The following FRMPD4 variants were observed in gnomAD, a reference collection of about 807,000 sequenced individuals.
FRMPD4 encodes FERM and PDZ domain-containing protein 4.
In FRMPD4, 22 loss-of-function variants were observed where a neutral mutation model predicts 94.1. The ratio of observed to expected loss-of-function variants is 0.23; its 90% CI spans 0.17 to 0.33. FRMPD4 has a LOEUF of 0.33. Ranked by LOEUF, FRMPD4 falls within the 10% of genes least tolerant of loss-of-function variation. The probability of loss-of-function intolerance (pLI) is 1.00; values close to 1 mark genes in which losing one functional copy is unlikely to be tolerated. For synonymous variants in FRMPD4, 631 were observed against 548.6 expected, an observed-to-expected ratio of 1.15 and a Z score of -2.10; for missense variants, 1,111 against 1,339.9, an observed-to-expected ratio of 0.83 and a Z score of 2.67.
At position 12,415,581 on chromosome X, in the gene FRMPD4, A is replaced by G. The variant is rs984075332; in HGVS notation, c.42-83099A>G. Among the ~76,000 whole-genome samples, 97 of 111,960 alleles carry G rather than the reference A, an allele frequency of 8.7e-4. 1 individual carries two copies. The highest frequency in any genetic ancestry group is 3.1e-3 in the African/African-American group (97 of 30,835). ...AATAGGGGGGATGAGATTGATTCAC[A>G]AGGCTCTCACCAATACTAAAATTGT... On this transcript the variant is annotated intron_variant, in intron 1 of 16. Coordinates refer to ENST00000675598, the MANE Select transcript of FRMPD4 (RefSeq NM_001368397.1).
At chrX:12,269,009 T>A (rs1472338770) in intron 1 of FRMPD4, among the ~76,000 whole-genome samples, 3 of 112,258 alleles carry the variant, frequency 2.7e-5, no homozygotes, top group Non-Finnish European at 3.8e-5. Context: ...GGTTGGTTTG[T>A]CTCATTTCAA....
chrX:12,599,721 C>A (rs1602189149), intron 2 of FRMPD4, among the ~76,000 whole-genome samples: 1 of 111,833 alleles, frequency 8.9e-6, no homozygotes, highest in African/African-American at 3.2e-5. Context: ...ATATGTAAAA[C>A]ACCTTTTGGG....
At chrX:12,153,420 G>A (rs961987871) in intron 1 of FRMPD4, among the ~76,000 whole-genome samples, 19 of 111,366 alleles carry the variant, frequency 1.7e-4, no homozygotes, top group Non-Finnish European at 3.2e-4. Context: ...TCATAATTTG[G>A]CTTTCCGGTT....
chrX:12,467,881 C>T (rs1319582715), intron 1 of FRMPD4, among the ~76,000 whole-genome samples: 1 of 111,459 alleles, frequency 9.0e-6, no homozygotes, highest in Non-Finnish European at 1.9e-5. Flanking sequence ...TAAATCAGAG[C>T]TACATTTTTA....
intron 3 of FRMPD4, among the ~76,000 whole-genome samples, chrX:12,085,844 G>A (rs752063597): frequency 5.4e-5 from 6 of 111,836 alleles, no homozygotes; most frequent in Non-Finnish European, 9.4e-5. Flanking sequence ...ACTCCAGCAT[G>A]GGCAACAGAG....
intron 3 of FRMPD4, among the ~76,000 whole-genome samples, chrX:12,092,601 T>G (rs1376404275): frequency 9.0e-6 from 1 of 111,427 alleles, no homozygotes; most frequent in Non-Finnish European, 1.9e-5. Flanking sequence ...AATATGAGAT[T>G]AGAGTAGTAG....
intron 1 of FRMPD4, among the ~76,000 whole-genome samples, chrX:12,459,222 AG>A (rs1258721184): frequency 9.0e-6 from 1 of 110,594 alleles, no homozygotes; most frequent in Non-Finnish European, 1.9e-5. Flanking sequence ...CTTTTTTTTA[AG>A]TAAGTTGAAA....
At chrX:12,047,333 G>A (rs938512268) in intron 3 of FRMPD4, among the ~76,000 whole-genome samples, 3 of 110,472 alleles carry the variant, frequency 2.7e-5, no homozygotes, top group Non-Finnish European at 3.8e-5. Context: ...TAAAATATTT[G>A]TAATTAAACA....
intron 3 of FRMPD4, among the ~76,000 whole-genome samples, chrX:11,928,532 A>T (rs2054102108): frequency 8.9e-6 from 1 of 112,372 alleles, no homozygotes; most frequent in Non-Finnish European, 1.9e-5. Flanking sequence ...ACAATTCAAG[A>T]TGAGATTTGG....
intron 3 of FRMPD4, among the ~76,000 whole-genome samples, chrX:11,975,559 A>T (rs2054362794): frequency 8.9e-6 from 1 of 112,346 alleles, no homozygotes; most frequent in Non-Finnish European, 1.9e-5. Flanking sequence ...CTATTGCCTC[A>T]TTGTGAAAAT....
chrX:11,943,421 G>T (rs1304410619), intron 3 of FRMPD4, among the ~76,000 whole-genome samples: 1 of 110,131 alleles, frequency 9.1e-6, no homozygotes, highest in East Asian at 2.8e-4. Flanking sequence ...ATTTCTTACA[G>T]TTCTGGAGGC....
intron 1 of FRMPD4, among the ~76,000 whole-genome samples, chrX:12,372,350 C>A (rs2056174286): frequency 8.8e-6 from 1 of 113,131 alleles, no homozygotes; most frequent in African/African-American, 3.2e-5. Context: ...AATCCTGATA[C>A]CCAGGTCACA....
chrX:12,226,199 G>A (rs2056920784), intron 1 of FRMPD4, among the ~76,000 whole-genome samples: 1 of 111,325 alleles, frequency 9.0e-6, no homozygotes, highest in Non-Finnish European at 1.9e-5. Flanking sequence ...TGACCTCCTG[G>A]GCTCAAGCGA....
intron 1 of FRMPD4, among the ~76,000 whole-genome samples, chrX:12,451,733 CGT>C (rs72300557): frequency 0.12 from 11,715 of 98,667 alleles, 1,280 homozygotes; most frequent in African/African-American, 0.33. Flanking sequence ...TGTGTATGCC[CGT>C]GTGTGTGTGT....
chrX:12,100,920 T>C (rs979628225), intron 3 of FRMPD4, among the ~76,000 whole-genome samples: 1 of 112,562 alleles, frequency 8.9e-6, no homozygotes, highest in Non-Finnish European at 1.9e-5. Flanking sequence ...CTGTGGTCCC[T>C]AAAGACAGGC....
At chrX:11,829,995 G>A (rs1163044009) in intron 1 of FRMPD4, among the ~76,000 whole-genome samples, 1 of 111,625 alleles carries the variant, frequency 9.0e-6, no homozygotes, top group Non-Finnish European at 1.9e-5. Flanking sequence ...AAGAGTTGGA[G>A]GAGAAGGGGA....
chrX:11,843,653 G>A (rs956141746), intron 1 of FRMPD4, among the ~76,000 whole-genome samples: 1 of 110,690 alleles, frequency 9.0e-6, no homozygotes, highest in African/African-American at 3.3e-5. Context: ...GACCTCCTGG[G>A]TTCCAGTGAT....
intron 2 of FRMPD4, among the ~76,000 whole-genome samples, chrX:12,573,779 C>T (rs2058782335): frequency 8.9e-6 from 1 of 112,038 alleles, no homozygotes; most frequent in Admixed American, 9.4e-5. Flanking sequence ...GTTAGTTGTC[C>T]TTTTCACTCA....
intron 2 of FRMPD4, among the ~76,000 whole-genome samples, chrX:12,608,643 C>A (rs983124945): frequency 6.2e-5 from 7 of 112,530 alleles, no homozygotes; most frequent in African/African-American, 2.3e-4. Flanking sequence ...ATGTCTGAAA[C>A]CCTCTGAGGC....
Sources: gnomAD v4.1 joint callset for allele counts (sites outside exome capture counted in the v4.1 genomes callset) on GRCh38, gnomAD v4.1.1 for gene constraint, MANE v1.5 for transcripts, NCBI Gene and HGNC (gene_info 2026-07-23, HGNC 2026-07-21) for gene names.